The following TBC1D19 variants were observed in gnomAD, a reference collection of about 807,000 sequenced individuals.
TBC1D19 encodes the protein TBC1 domain family, member 19.
In TBC1D19, 60 loss-of-function variants were observed where a neutral mutation model predicts 89.0. The observed-to-expected ratio is 0.67, with a 90% CI of 0.55 to 0.84. TBC1D19 has a LOEUF of 0.84. TBC1D19 is among the 40% of genes least tolerant of loss of function. TBC1D19 has a pLI of 0.00. For synonymous variants in TBC1D19, 189 were observed against 199.7 expected, an observed-to-expected ratio of 0.95 and a Z score of 0.45; for missense variants, 500 against 610.8, an observed-to-expected ratio of 0.82 and a Z score of 1.91.
chr4:26,610,947 C>T (rs934386013), intron 1 of TBC1D19, among the ~76,000 whole-genome samples: 2 of 152,046 alleles, frequency 1.3e-5, no homozygotes, highest in Admixed American at 1.3e-4. Context: ...GATTTATATT[C>T]CTTTGGATAT....
At chr4:26,748,384 T>C (rs767389024) in intron 18 of TBC1D19, 27 bp from the exon 19 acceptor site, 1 of 1,542,276 alleles carries the variant, frequency 6.5e-7, no homozygotes, top group South Asian at 1.1e-5. Flanking sequence ...CAGTGGTACA[T>C]TAATTTTTAT....
At chr4:26,647,364 C>T (rs959364286) in intron 7 of TBC1D19, among the ~76,000 whole-genome samples, 2 of 152,100 alleles carry the variant, frequency 1.3e-5, no homozygotes, top group Non-Finnish European at 2.9e-5. Flanking sequence ...TTAATTCATA[C>T]GTTTGATTTC....
the TBC1D19 span, among the ~76,000 whole-genome samples, chr4:26,779,563 C>T: frequency 6.6e-6 from 1 of 152,230 alleles, no homozygotes; most frequent in African/African-American, 2.4e-5. Context: ...TCCAGGCTTC[C>T]CAGCAGCAAC....
At chr4:26,641,334 CCTGA>C (rs1240465801) in intron 7 of TBC1D19, among the ~76,000 whole-genome samples, 11 of 152,068 alleles carry the variant, frequency 7.2e-5, no homozygotes, top group African/African-American at 1.2e-4. Flanking sequence ...AGCTGAGGGA[CCTGA>C]CTGTTAGAAG....
At chr4:26,788,158 G>A in the TBC1D19 span, among the ~76,000 whole-genome samples, 37 of 151,492 alleles carry the variant, frequency 2.4e-4, no homozygotes, top group Middle Eastern at 3.4e-3. Context: ...AGGTGACTAT[G>A]GGATCCCAGG....
At chr4:26,835,974 GCTCT>G in the TBC1D19 span, among the ~76,000 whole-genome samples, 3,590 of 143,278 alleles carry the variant, frequency 0.025, 86 homozygotes, top group African/African-American at 0.075. Context: ...CATGTGAAGT[GCTCT>G]CTCTCTCTCT....
At chr4:26,643,854 A>G (rs1743720788) in intron 7 of TBC1D19, among the ~76,000 whole-genome samples, 1 of 152,198 alleles carries the variant, frequency 6.6e-6, no homozygotes, top group African/African-American at 2.4e-5. Flanking sequence ...CTCGACACAT[A>G]CGCCCTCCCA....
chr4:26,752,492 T>C (rs1358124805), intron 19 of TBC1D19, among the ~76,000 whole-genome samples: 1 of 152,184 alleles, frequency 6.6e-6, no homozygotes, highest in Non-Finnish European at 1.5e-5. Flanking sequence ...ACAATCCTCC[T>C]GTCTCAGCCT....
the TBC1D19 span, among the ~76,000 whole-genome samples, chr4:26,763,922 T>C: frequency 1.3e-5 from 2 of 152,222 alleles, no homozygotes; most frequent in South Asian, 2.1e-4. Context: ...TAACTGACCT[T>C]GTGTCCTGAG....
chr4:26,855,403 A>C, the TBC1D19 span, among the ~76,000 whole-genome samples: 1 of 152,246 alleles, frequency 6.6e-6, no homozygotes, highest in African/African-American at 2.4e-5. Flanking sequence ...AAATAATAAT[A>C]GCTAACTATG....
chr4:26,705,066 C>T (rs1363152913), intron 13 of TBC1D19, among the ~76,000 whole-genome samples: 1 of 151,840 alleles, frequency 6.6e-6, no homozygotes, highest in Non-Finnish European at 1.5e-5. Context: ...TATATATCTA[C>T]TCAGGAAAAA....
the TBC1D19 span, among the ~76,000 whole-genome samples, chr4:26,784,704 C>A: frequency 6.6e-6 from 1 of 152,336 alleles, no homozygotes; most frequent in Non-Finnish European, 1.5e-5. Flanking sequence ...GCTCCTAAGG[C>A]CTCCAGTGAC....
rs2109926384 is a variant in TBC1D19, at chr4:26,584,289, C to A, written c.96C>A (p.Ala32=). ...SNLYSQLERQ[A]WASLQRPEIK... ...TGTACTCTCAGCTGGAACGGCAGGC[C>A]TGGGTAAGTGAGGCCGAGTGGGAAG... Residue 32 remains alanine, a synonymous_variant, in exon 1 of 21, where the codon GCC becomes GCA. Transcript: ENST00000264866. 6.2e-7 allele frequency: 1 copy of A among 1,608,740 alleles called. No individual in the cohort carries two copies. The highest frequency in any genetic ancestry group is 8.5e-7 in the Non-Finnish European group (1 of 1,177,938).
chr4:26,585,954 C>T (rs1359660642), intron 1 of TBC1D19, among the ~76,000 whole-genome samples: 1 of 152,094 alleles, frequency 6.6e-6, no homozygotes, highest in Non-Finnish European at 1.5e-5. Flanking sequence ...ATTTTGGTGA[C>T]ATAAATTTTT....
At chr4:26,764,937 C>A in the TBC1D19 span, among the ~76,000 whole-genome samples, 5 of 151,880 alleles carry the variant, frequency 3.3e-5, no homozygotes, top group Non-Finnish European at 7.4e-5. Context: ...AAATGTAAGG[C>A]ATATGGATAG....
At position 26,621,616 on chromosome 4, in the gene TBC1D19, T is replaced by C. The variant is rs1445289317; in HGVS notation, c.294+928T>C. Among the ~76,000 whole-genome samples, 10 of 152,304 alleles carry C rather than the reference T, an allele frequency of 6.6e-5. No individual in the cohort carries two copies. The East Asian group carries it at 1.7e-3, about 26-fold the overall frequency. ...GGAAATTAGGCACTTTTTTCGACTT[T>C]TATTTTTATTTAAAAAAATCATCAA... On this transcript the variant is annotated intron_variant, in intron 4 of 20. Transcript: ENST00000264866.
At chr4:26,664,580 C>A (rs1427688474) in intron 8 of TBC1D19, among the ~76,000 whole-genome samples, 1 of 150,770 alleles carries the variant, frequency 6.6e-6, no homozygotes, top group Non-Finnish European at 1.5e-5. Flanking sequence ...AAGAATAACA[C>A]ATTTTTACCT....
At chr4:26,798,802 A>C in the TBC1D19 span, among the ~76,000 whole-genome samples, 1 of 152,150 alleles carries the variant, frequency 6.6e-6, no homozygotes, top group Non-Finnish European at 1.5e-5. Context: ...GCACATTCTC[A>C]CTTATAAGTG....
intron 8 of TBC1D19, among the ~76,000 whole-genome samples, chr4:26,661,963 C>T (rs185595715): frequency 6.6e-6 from 1 of 152,246 alleles, no homozygotes; most frequent in East Asian, 1.9e-4. Context: ...CAAGAGATAC[C>T]ACACAGGTGG....
Sources: gnomAD v4.1 joint callset for allele counts (sites outside exome capture counted in the v4.1 genomes callset) on GRCh38, gnomAD v4.1.1 for gene constraint, MANE v1.5 for transcripts, NCBI Gene and HGNC (gene_info 2026-07-23, HGNC 2026-07-21) for gene names.